Variants in CLTCL1 observed in about 807,000 individuals in gnomAD.
CLTCL1 encodes the protein clathrin heavy chain 2.
Under a neutral mutation model 190.0 loss-of-function variants are expected in CLTCL1, and 159 were observed. That is an observed-to-expected ratio of 0.84 (90% CI 0.74 to 0.95). The LOEUF (loss-of-function observed/expected upper bound fraction) is 0.95. Among genes scored for constraint, CLTCL1 ranks in the 40% least tolerant of loss-of-function variants. CLTCL1 has a pLI of 0.00. For synonymous variants in CLTCL1, 752 were observed against 769.6 expected (o/e 0.98, Z 0.38); for missense variants, 1,878 against 2,033.4 (o/e 0.92, Z 1.47).
At chr22:19,180,035 C>T in intron 32 of CLTCL1, 66 bp from the exon 33 acceptor site, 2 of 634,724 alleles carry the variant, frequency 3.2e-6, no homozygotes, top group East Asian at 2.7e-5. Flanking sequence ...TCCTGGCTGC[C>T]CCTGAGTAGC....
chr22:19,268,091 C>T (rs1356218200), intron 2 of CLTCL1, among the ~76,000 whole-genome samples: 1 of 152,072 alleles, frequency 6.6e-6, no homozygotes, highest in Non-Finnish European at 1.5e-5. Flanking sequence ...AACTTCATCC[C>T]CAAGTGTTGG....
chr22:19,192,865 C>T (rs1184504282), intron 26 of CLTCL1, among the ~76,000 whole-genome samples: 5 of 152,240 alleles, frequency 3.3e-5, no homozygotes, highest in Admixed American at 6.5e-5. Context: ...CTGCCACAGG[C>T]CACTGTGGGT....
chr22:19,197,688 G>A (rs1360728369), intron 24 of CLTCL1, among the ~76,000 whole-genome samples: 1 of 152,118 alleles, frequency 6.6e-6, no homozygotes, highest in African/African-American at 2.4e-5. Context: ...CCAAGCTCCA[G>A]GTCACAAGCA....
intron 8 of CLTCL1, 31 bp downstream of exon 8, chr22:19,233,391 G>C (rs200765462): frequency 1.2e-6 from 2 of 1,612,182 alleles, no homozygotes; most frequent in East Asian, 2.2e-5. Context: ...CAAGCTGTGC[G>C]GGGGGGCTAC....
intron 1 of CLTCL1, among the ~76,000 whole-genome samples, chr22:19,282,630 A>G (rs1288662779): frequency 2.0e-5 from 3 of 148,190 alleles, no homozygotes; most frequent in African/African-American, 7.4e-5. Flanking sequence ...CTCTGTCTCA[A>G]AAAAAAAAAA....
At chr22:19,213,398 C>T (rs2085291996) in intron 19 of CLTCL1, among the ~76,000 whole-genome samples, 1 of 152,190 alleles carries the variant, frequency 6.6e-6, no homozygotes, top group Non-Finnish European at 1.5e-5. Flanking sequence ...CACAGCCATT[C>T]TGGAAAACAA....
At chr22:19,242,004 G>A (rs958326949) in intron 4 of CLTCL1, among the ~76,000 whole-genome samples, 12 of 150,308 alleles carry the variant, frequency 8.0e-5, no homozygotes, top group South Asian at 2.1e-4. Context: ...GTGCAGTGGC[G>A]CGATCTCGGC....
intron 16 of CLTCL1, 25 bp from the exon 17 acceptor site, chr22:19,221,636 A>G (rs1332179317): frequency 1.3e-6 from 2 of 1,546,034 alleles, no homozygotes; most frequent in African/African-American, 2.7e-5. Context: ...AGGTGCTGTA[A>G]AGTCTCAAGG....
Position 19,196,484 on chromosome 22 carries a change from G to A in CLTCL1, c.4041+5C>T, listed in dbSNP as rs2066732. ...GGCTGCCAGACTGCAAGGAGTACACGGTACCTTTGGGATGTTGACACGGGA... is the reference window on the plus strand; with the variant it reads ...GGCTGCCAGACTGCAAGGAGTACACAGTACCTTTGGGATGTTGACACGGGA... On this transcript the variant is annotated splice_donor_5th_base_variant and intron_variant, in intron 25 of 32. Transcript: ENST00000427926. The A allele has an allele frequency of 2.2e-3, 3,610 of 1,614,060 alleles. 70 individuals are homozygous for A. In the East Asian group the frequency reaches 0.032, roughly 14 times the overall value.
intron 26 of CLTCL1, among the ~76,000 whole-genome samples, chr22:19,194,077 T>G (rs948167034): frequency 1.3e-5 from 2 of 152,334 alleles, no homozygotes; most frequent in South Asian, 4.1e-4. Context: ...TACAGAGTGC[T>G]GATTGGCCCA....
intron 2 of CLTCL1, among the ~76,000 whole-genome samples, chr22:19,268,617 A>T (rs1555978985): frequency 6.6e-6 from 1 of 152,176 alleles, no homozygotes; most frequent in Non-Finnish European, 1.5e-5. Flanking sequence ...TAACATAATT[A>T]GGCATTAGAG....
In CLTCL1 at chr22:19,233,522, T is replaced by C. The variant is rs2085981383; in HGVS notation, c.1268A>G (p.Asp423Gly). 1.2e-6 allele frequency: 2 copies of C among 1,613,882 alleles called. No homozygotes were observed. The highest frequency in any genetic ancestry group is 1.7e-6 in the Non-Finnish European group (2 of 1,179,904). Residue 423 changes from aspartate (D) to glycine (G), a missense_variant, in exon 8 of 33, where the codon GAC becomes GGC. Coordinates refer to ENST00000427926, the MANE Select transcript of CLTCL1 (RefSeq NM_007098.4). ...TTCAAGTTTATTGAGCTGACCCTGGTCGAGCAGGATTCCGAAGTACTGCAG... is the reference window on the plus strand; with the variant it reads ...TTCAAGTTTATTGAGCTGACCCTGGCCGAGCAGGATTCCGAAGTACTGCAG... ...PLLQYFGILL[D>G]QGQLNKLESL... is the part of the protein sequence containing the mutation.
chr22:19,265,661 A>G (rs2087099868), intron 2 of CLTCL1, among the ~76,000 whole-genome samples: 1 of 152,184 alleles, frequency 6.6e-6, no homozygotes, highest in East Asian at 1.9e-4. Context: ...TTGTGATGTT[A>G]GGATGCATTT....
chr22:19,197,932 T>G (rs2084762052), intron 24 of CLTCL1, among the ~76,000 whole-genome samples: 1 of 152,154 alleles, frequency 6.6e-6, no homozygotes, highest in Non-Finnish European at 1.5e-5. Context: ...ATCACCTATA[T>G]GTCAGCAACT....
chr22:19,253,921 T>A, intron 3 of CLTCL1, 38 bp downstream of exon 3: 1 of 1,597,168 alleles, frequency 6.3e-7, no homozygotes, highest in Non-Finnish European at 8.6e-7. Context: ...GCTTTGAAGT[T>A]ACATCAGACC....
intron 3 of CLTCL1, among the ~76,000 whole-genome samples, chr22:19,249,594 G>A (rs782612115): frequency 1.8e-4 from 27 of 151,946 alleles, no homozygotes; most frequent in Admixed American, 4.6e-4. Context: ...TACCTGGAAG[G>A]CTGAGATAGG....
At chr22:19,244,894 T>C (rs2086368581) in intron 3 of CLTCL1, among the ~76,000 whole-genome samples, 1 of 152,166 alleles carries the variant, frequency 6.6e-6, no homozygotes, top group Non-Finnish European at 1.5e-5. Flanking sequence ...CAGGGATAAG[T>C]AAAATATGAC....
rs1555944265 is a variant in CLTCL1 at position 19,208,329 on chromosome 22, A to C, written c.3443-18T>G. The C allele has an allele frequency of 4.3e-6, 7 of 1,612,248 alleles. No homozygotes were observed. The South Asian group carries it at 6.6e-5, about 15-fold the overall frequency. On this transcript the variant is annotated intron_variant, in intron 21 of 32. Coordinates refer to ENST00000427926, the MANE Select transcript of CLTCL1 (RefSeq NM_007098.4). ...CCAGTTGTCTAAAGACAGAAAACAA[A>C]GATAGGTTAACCCAGAGCTGATAAT...
In CLTCL1 at chr22:19,187,618, G is replaced by A; in HGVS notation, c.4545C>T (p.Tyr1515=). The A allele has an allele frequency of 6.2e-7, 1 of 1,613,630 alleles. No individual in the cohort carries two copies. Among genetic ancestry groups the A allele is most frequent in the East Asian group, 2.2e-5 (1 of 44,884 alleles). Residue 1515 remains tyrosine (Y), a synonymous_variant, in exon 29 of 33, where the codon TAC becomes TAT. Transcript: ENST00000427926. Reference sequence around the variant, plus strand: ...TCTGGGCCCACCAGTTATTGCCCTTGTACAGATAGGCCGCAATGCACCTGA... The same window carrying A: ...TCTGGGCCCACCAGTTATTGCCCTTATACAGATAGGCCGCAATGCACCTGA... ...MEFRCIAAYL[Y]KGNNWWAQSV... is the part of the protein sequence containing the mutation.
Sources: allele counts gnomAD v4.1 joint callset (sites outside exome capture counted in the v4.1 genomes callset), GRCh38; gene constraint gnomAD v4.1.1; transcripts MANE v1.5; gene names NCBI Gene and HGNC (gene_info 2026-07-23, HGNC 2026-07-21).